Variants in LRMDA observed in about 807,000 individuals in gnomAD.
LRMDA encodes the protein leucine rich melanocyte differentiation associated.
A neutral mutation model predicts 29.8 loss-of-function variants in LRMDA; 18 were observed. That is an observed-to-expected ratio of 0.60 (90% CI 0.42 to 0.90). LRMDA has a LOEUF of 0.90. LRMDA is among the 40% of genes least tolerant of loss of function. LRMDA has a pLI of 0.00. For synonymous variants in LRMDA, 125 were observed against 109.4 expected (o/e 1.14, Z -0.89); for missense variants, 273 against 273.9 (o/e 1.00, Z 0.02).
At chr10:76,502,132 C>A (rs1842916522) in intron 6 of LRMDA, among the ~76,000 whole-genome samples, 1 of 151,954 alleles carries the variant, frequency 6.6e-6, no homozygotes, top group Non-Finnish European at 1.5e-5. Context: ...TTTCCCATTG[C>A]CTATTTTTGT....
chr10:76,093,983 G>A (rs1849274780), intron 5 of LRMDA, among the ~76,000 whole-genome samples: 1 of 152,180 alleles, frequency 6.6e-6, no homozygotes, highest in Non-Finnish European at 1.5e-5. Context: ...ATGCTCAGAG[G>A]TATTTGAAGC....
intron 6 of LRMDA, among the ~76,000 whole-genome samples, chr10:76,507,810 CCTGGGTTTATTT>C (rs1407583827): frequency 1.3e-5 from 2 of 151,920 alleles, no homozygotes; most frequent in African/African-American, 4.8e-5. Flanking sequence ...GCTATAAATG[CCTGGGTTTATTT>C]CTGGGTTCTC....
intron 5 of LRMDA, among the ~76,000 whole-genome samples, chr10:76,149,798 G>C (rs370555559): frequency 4.0e-4 from 61 of 152,164 alleles, no homozygotes; most frequent in African/African-American, 1.4e-3. Flanking sequence ...GTCCCTGGAG[G>C]GGGTGGGGAG....
intron 5 of LRMDA, among the ~76,000 whole-genome samples, chr10:76,258,909 T>C (rs1839899556): frequency 6.6e-6 from 1 of 152,192 alleles, no homozygotes; most frequent in African/African-American, 2.4e-5. Flanking sequence ...CTATTGTGAA[T>C]AGTGCTGCAA....
At chr10:75,462,590 G>A (rs1844600429) in intron 2 of LRMDA, among the ~76,000 whole-genome samples, 1 of 152,162 alleles carries the variant, frequency 6.6e-6, no homozygotes, top group Non-Finnish European at 1.5e-5. Context: ...CGGGAATTGG[G>A]GCTGGAATTG....
chr10:75,797,195 T>C (rs61861023), intron 2 of LRMDA, among the ~76,000 whole-genome samples: 58 of 152,204 alleles, frequency 3.8e-4, no homozygotes, highest in Non-Finnish European at 7.1e-4. Flanking sequence ...GTCAGTTTTG[T>C]TAAGTTAATT....
At chr10:76,234,356 T>C (rs147730181) in intron 5 of LRMDA, among the ~76,000 whole-genome samples, 1 of 152,222 alleles carries the variant, frequency 6.6e-6, no homozygotes, top group Non-Finnish European at 1.5e-5. Context: ...CAGGCTTTGT[T>C]GTTTCATTGA....
At chr10:75,664,548 G>C (rs892704603) in intron 2 of LRMDA, among the ~76,000 whole-genome samples, 1 of 152,162 alleles carries the variant, frequency 6.6e-6, no homozygotes, top group Admixed American at 6.5e-5. Flanking sequence ...GAGGGAAGGG[G>C]TTTAGGAGTC....
chr10:75,706,474 A>G (rs939916223), intron 2 of LRMDA, among the ~76,000 whole-genome samples: 1 of 152,242 alleles, frequency 6.6e-6, no homozygotes, highest in Non-Finnish European at 1.5e-5. Context: ...TGATTTTCAT[A>G]AGAAGCTTGT....
At chr10:76,082,022 C>G (rs539799423) in intron 5 of LRMDA, among the ~76,000 whole-genome samples, 8 of 152,120 alleles carry the variant, frequency 5.3e-5, no homozygotes, top group Non-Finnish European at 8.8e-5. Context: ...CCTTCAGCCT[C>G]TAACTACAGT....
chr10:76,021,459 A>G (rs1188358474), intron 2 of LRMDA, among the ~76,000 whole-genome samples: 1 of 152,230 alleles, frequency 6.6e-6, no homozygotes, highest in Non-Finnish European at 1.5e-5. Flanking sequence ...CATCAGGCTC[A>G]TTCTTACCTA....
intron 5 of LRMDA, among the ~76,000 whole-genome samples, chr10:76,156,063 G>A (rs1015079620): frequency 6.6e-6 from 1 of 152,154 alleles, no homozygotes; most frequent in Non-Finnish European, 1.5e-5. Flanking sequence ...TTCTCCATCT[G>A]TGCTGGAAGA....
chr10:75,831,198 A>T (rs1041216035), intron 2 of LRMDA, among the ~76,000 whole-genome samples: 1 of 152,148 alleles, frequency 6.6e-6, no homozygotes, highest in Non-Finnish European at 1.5e-5. Flanking sequence ...GGCACCTGCC[A>T]TCACGCCAGG....
intron 5 of LRMDA, among the ~76,000 whole-genome samples, chr10:76,188,956 A>G (rs1287172562): frequency 6.6e-6 from 1 of 152,006 alleles, no homozygotes; most frequent in Admixed American, 6.5e-5. Flanking sequence ...ACACACACAC[A>G]CACACACACA....
At chr10:75,695,263 G>T (rs562693216) in intron 2 of LRMDA, among the ~76,000 whole-genome samples, 26 of 152,020 alleles carry the variant, frequency 1.7e-4, no homozygotes, top group African/African-American at 6.3e-4. Context: ...ATCTATTAAA[G>T]TTCATTTCTT....
At chr10:75,703,229 G>GT (rs142663771) in intron 2 of LRMDA, among the ~76,000 whole-genome samples, 1 of 152,232 alleles carries the variant, frequency 6.6e-6, no homozygotes, top group Non-Finnish European at 1.5e-5. Flanking sequence ...CTCTCAACGA[G>GT]TAATGGATTT....
intron 6 of LRMDA, among the ~76,000 whole-genome samples, chr10:76,540,374 G>A (rs1028279496): frequency 2.6e-5 from 4 of 152,012 alleles, no homozygotes; most frequent in African/African-American, 9.7e-5. Flanking sequence ...GTTATTTTTG[G>A]TGGTGAAGAG....
At chr10:76,235,696 A>G (rs1852140059) in intron 5 of LRMDA, among the ~76,000 whole-genome samples, 1 of 152,170 alleles carries the variant, frequency 6.6e-6, no homozygotes, top group Non-Finnish European at 1.5e-5. Context: ...TTACAGGAGT[A>G]GAAGCTTGGA....
intron 2 of LRMDA, among the ~76,000 whole-genome samples, chr10:75,462,597 A>G (rs1222567757): frequency 6.6e-6 from 1 of 152,238 alleles, no homozygotes; most frequent in Non-Finnish European, 1.5e-5. Flanking sequence ...TGGGGCTGGA[A>G]TTGAAATCTG....
Sources: allele counts gnomAD v4.1 joint callset (sites outside exome capture counted in the v4.1 genomes callset), GRCh38; gene constraint gnomAD v4.1.1; transcripts MANE v1.5; gene names NCBI Gene and HGNC (gene_info 2026-07-23, HGNC 2026-07-21).